GALC: variants seen among roughly 807,000 people sequenced by gnomAD.
The protein encoded by GALC is galactocerebrosidase.
In GALC, 77 loss-of-function variants were observed where a neutral mutation model predicts 91.8. The ratio of observed to expected loss-of-function variants is 0.84; its 90% CI spans 0.70 to 1.01. The LOEUF is 1.01. Ranked by LOEUF, GALC falls within the 50% of genes least tolerant of loss-of-function variation. The pLI is 0.00. For synonymous variants in GALC, 357 were observed against 306.7 expected (o/e 1.16, Z -1.71); for missense variants, 882 against 855.9 (o/e 1.03, Z -0.38).
intron 1 of GALC, chr14:87,992,201 C>G (rs1887228240): frequency 8.1e-7 from 1 of 1,241,490 alleles, no homozygotes; most frequent in South Asian, 1.3e-5. Flanking sequence ...CAAGCTCCAT[C>G]CAACTCAACC....
At chr14:87,991,130 G>A (rs994463840) in intron 1 of GALC, among the ~76,000 whole-genome samples, 2 of 152,170 alleles carry the variant, frequency 1.3e-5, no homozygotes, top group African/African-American at 4.8e-5. Flanking sequence ...GAACCCAGAA[G>A]ACACTCTTGG....
chr14:87,985,053 T>A (rs1157581636), intron 4 of GALC, among the ~76,000 whole-genome samples: 2 of 152,190 alleles, frequency 1.3e-5, no homozygotes, highest in Admixed American at 1.3e-4. Context: ...ACTAGTTTGT[T>A]CTTATATCAC....
chr14:87,939,296 C>A (rs189764432), intron 16 of GALC, among the ~76,000 whole-genome samples: 32 of 151,840 alleles, frequency 2.1e-4, no homozygotes, highest in Admixed American at 3.3e-4. Flanking sequence ...ATTTCTACTG[C>A]ACTCTAAACA....
chr14:87,984,011 G>A (rs942835735), intron 5 of GALC, among the ~76,000 whole-genome samples: 16 of 151,912 alleles, frequency 1.1e-4, no homozygotes. Context: ...CCAATCTTTG[G>A]CTTAAGACAA....
rs1376183263 is a variant in GALC at position 87,954,839 on chromosome 14, A to T, written c.1162-4091T>A. On this transcript the variant is annotated intron_variant, in intron 10 of 16. Transcript: ENST00000261304. ...GAAACAGATAAGAACAGGATCTACA[A>T]ACAATGTTTTAGCTGCTTGCCATTT... The T allele has an allele frequency of 2.9e-5, 46 of 1,606,456 alleles. No homozygotes were observed. The East Asian group carries it at 9.8e-4, about 34-fold the overall frequency.
intron 16 of GALC, 102 bp from the exon 17 acceptor site, chr14:87,934,980 C>T (rs1476070603): frequency 4.8e-6 from 4 of 827,234 alleles, no homozygotes; most frequent in Non-Finnish European, 8.2e-6. Context: ...AGCAAATGTA[C>T]TACTCACTCA....
chr14:87,954,476 T>C, intron 10 of GALC: 3 of 1,579,144 alleles, frequency 1.9e-6, no homozygotes, highest in Middle Eastern at 2.1e-4. Context: ...TAAATATCTT[T>C]TTGTTCAGCG....
chr14:87,949,123 G>C (rs1287786248), intron 12 of GALC, among the ~76,000 whole-genome samples: 1 of 150,458 alleles, frequency 6.6e-6, no homozygotes, highest in Non-Finnish European at 1.5e-5. Context: ...CAGAGGAAAA[G>C]ACACTTGAAT....
At chr14:87,935,071 TTATC>T (rs1566963744) in intron 16 of GALC, among the ~76,000 whole-genome samples, 193 bp from the exon 17 acceptor site, 1 of 152,076 alleles carries the variant, frequency 6.6e-6, no homozygotes. Flanking sequence ...GAAGAAATTC[TTATC>T]TACCTACTTA....
chr14:87,951,754 T>C (rs8019944), intron 10 of GALC, among the ~76,000 whole-genome samples: 17,447 of 151,618 alleles, frequency 0.12, 1,312 homozygotes, highest in African/African-American at 0.21. Flanking sequence ...AAAGGAAAAA[T>C]AAAAAGAGAA....
chr14:87,951,822 C>T (rs951153678), intron 10 of GALC, among the ~76,000 whole-genome samples: 1 of 151,804 alleles, frequency 6.6e-6, no homozygotes, highest in Non-Finnish European at 1.5e-5. Flanking sequence ...TTGTGGTATG[C>T]CACTAAAGCA....
intron 10 of GALC, chr14:87,954,956 A>T: frequency 6.7e-7 from 1 of 1,483,580 alleles, no homozygotes; most frequent in Non-Finnish European, 9.4e-7. Flanking sequence ...AAGCTGATAG[A>T]GAAGATTCTT....
At chr14:87,977,242 G>A (rs1431009543) in intron 6 of GALC, among the ~76,000 whole-genome samples, 2 of 152,036 alleles carry the variant, frequency 1.3e-5, no homozygotes, top group Non-Finnish European at 2.9e-5. Flanking sequence ...TTAAACAGGA[G>A]AGCAAATAAA....
At chr14:87,993,577 CTT>C (rs1214635537), upstream of GALC, 7 of 1,136,388 alleles carry the variant, frequency 6.2e-6, no homozygotes, top group Non-Finnish European at 8.8e-6. Flanking sequence ...GGTGGAATCA[CTT>C]TGCTTTTGGA....
chr14:87,942,596 A>G (rs1225990911), intron 14 of GALC, among the ~76,000 whole-genome samples: 1 of 152,024 alleles, frequency 6.6e-6, no homozygotes, highest in Non-Finnish European at 1.5e-5. Context: ...AAATCAAGCA[A>G]TATATCTCAC....
At chr14:87,993,255 C>G, upstream of GALC, 1 of 1,540,784 alleles carries the variant, frequency 6.5e-7, no homozygotes, top group Middle Eastern at 1.7e-4. Flanking sequence ...GCTGACGCCG[C>G]CGCCGCCATT....
rs551305669 is a variant in GALC, at chr14:87,968,571, A to C, written c.753-81T>G. The C allele has an allele frequency of 3.5e-5, 46 of 1,332,352 alleles. No homozygotes were observed. The East Asian group carries it at 9.3e-4, about 27-fold the overall frequency. 82.5% of individuals were successfully genotyped at this position (1,332,352 alleles called of 1,614,324 possible). On this transcript the variant is annotated intron_variant, in intron 7 of 16. Transcript: ENST00000261304. ...TACGTATAGATTTGTTGAGTATATA[A>C]AAATACGAGTCTTCTCCAAGGTTTT...
chr14:87,968,340 C>T lies in GALC; in HGVS notation c.903G>A (p.Met301Ile), dbSNP rs780141800. The change falls in exon 8 of 17, where the codon ATG becomes ATA. Residue 301 changes from methionine to isoleucine, a missense_variant. Transcript: ENST00000261304. The part of the protein sequence containing the change: ...ILNQNYINGY[M>I]TSTIAWNLVA... Reference sequence around the variant, plus strand: ...AAAGGTTTTTAATAACTTACGAAGTCATATAGCCATTGATATAATTCTGAT... The same window carrying T: ...AAAGGTTTTTAATAACTTACGAAGTTATATAGCCATTGATATAATTCTGAT... The T allele has an allele frequency of 2.5e-6, 4 of 1,611,786 alleles. No individual in the cohort carries two copies. The South Asian group carries it at 4.4e-5, about 18-fold the overall frequency.
chr14:87,979,606 CCT>C (rs1886653762), intron 6 of GALC, among the ~76,000 whole-genome samples: 1 of 152,124 alleles, frequency 6.6e-6, no homozygotes, highest in Non-Finnish European at 1.5e-5. Flanking sequence ...AAAATATAGC[CCT>C]GTCTTATTTC....
Sources: allele counts gnomAD v4.1 joint callset (sites outside exome capture counted in the v4.1 genomes callset), GRCh38; gene constraint gnomAD v4.1.1; transcripts MANE v1.5; gene names NCBI Gene and HGNC (gene_info 2026-07-23, HGNC 2026-07-21).